The following CNTN3 variants were observed in gnomAD, a reference collection of about 807,000 sequenced individuals.
The protein encoded by CNTN3 is contactin-3.
A neutral mutation model predicts 119.1 loss-of-function variants in CNTN3; 60 were observed. The observed-to-expected ratio is 0.50, with a 90% CI of 0.41 to 0.62. The LOEUF (loss-of-function observed/expected upper bound fraction) is 0.62, where lower values mean the gene tolerates loss of function less well. Among genes scored for constraint, CNTN3 ranks in the 20% least tolerant of loss-of-function variants. The pLI, the probability that CNTN3 is intolerant of heterozygous loss-of-function variation, is 0.00. For missense variants in CNTN3, 1,101 were observed against 1,242.4 expected, an observed-to-expected ratio of 0.89 and a Z score of 1.71; for synonymous variants, 450 against 438.7, an observed-to-expected ratio of 1.03 and a Z score of -0.32.
chr3:74,583,800 C>T (rs1023680109), intron 1 of CNTN3, among the ~76,000 whole-genome samples: 4 of 152,268 alleles, frequency 2.6e-5, no homozygotes, highest in African/African-American at 9.6e-5. Flanking sequence ...ATTGCTGTGG[C>T]TATTTTTCCT....
chr3:74,413,041 A>G (rs771425399), intron 5 of CNTN3, among the ~76,000 whole-genome samples: 1 of 152,196 alleles, frequency 6.6e-6, no homozygotes, highest in Non-Finnish European at 1.5e-5. Context: ...CTGTGGCAGG[A>G]AAGTTCTGGC....
Position 74,302,727 on chromosome 3 carries a change from C to T in CNTN3, c.1749G>A (p.Val583=), listed in dbSNP as rs750135504. The T allele has an allele frequency of 6.8e-6, 11 of 1,612,858 alleles. No homozygotes were observed. The South Asian group carries it at 9.9e-5, about 15-fold the overall frequency. ...GKYVCMVQTG[V]DSVSSAADLI... is the part of the protein sequence containing the mutation. ...GGTCAGCAGCAGATGAAACACTGTC[C>T]ACCCCCGTTTGCACCATACAAACAT... Residue 583 remains valine (V), a synonymous_variant, in exon 14 of 23, where the codon GTG becomes GTA. Transcript: ENST00000263665.
chr3:74,586,520 C>A (rs982655892), intron 1 of CNTN3, among the ~76,000 whole-genome samples: 3 of 152,064 alleles, frequency 2.0e-5, no homozygotes, highest in African/African-American at 7.2e-5. Context: ...ATTTATAGAG[C>A]ACAAATTTGG....
chr3:74,269,048 G>GAAAAAAAA (rs5850167), intron 20 of CNTN3, among the ~76,000 whole-genome samples: 8 of 117,086 alleles, frequency 6.8e-5, no homozygotes, highest in Non-Finnish European at 1.0e-4. Context: ...ATGACAAAAA[G>GAAAAAAAA]AAAAAAAAAA....
intron 4 of CNTN3, among the ~76,000 whole-genome samples, chr3:74,479,848 T>C (rs1387317674): frequency 6.6e-6 from 1 of 152,058 alleles, no homozygotes; most frequent in Admixed American, 6.6e-5. Context: ...ACTAACAGAA[T>C]ATCTGATTAC....
At chr3:74,267,441 G>A in intron 20 of CNTN3, 63 bp from the exon 21 acceptor site, 2 of 1,148,602 alleles carry the variant, frequency 1.7e-6, no homozygotes, top group Non-Finnish European at 2.6e-6. Context: ...TTACACGGAG[G>A]AGATGGCGGC....
intron 10 of CNTN3, among the ~76,000 whole-genome samples, chr3:74,364,143 C>T (rs767908905): frequency 1.1e-4 from 16 of 152,040 alleles, no homozygotes; most frequent in South Asian, 4.1e-4. Context: ...GGACCAGCAA[C>T]GGGGAACACC....
intron 4 of CNTN3, among the ~76,000 whole-genome samples, chr3:74,450,558 A>T (rs144659685): frequency 1.3e-5 from 2 of 150,980 alleles, no homozygotes; most frequent in African/African-American, 4.9e-5. Flanking sequence ...CATGTGCACA[A>T]TGTGCAGGTT....
chr3:74,602,821 C>T (rs773305304), intron 1 of CNTN3, among the ~76,000 whole-genome samples: 1 of 152,120 alleles, frequency 6.6e-6, no homozygotes, highest in African/African-American at 2.4e-5. Flanking sequence ...TATGACCAGT[C>T]GTACCAAAGT....
At chr3:74,418,982 C>G (rs13080279) in intron 5 of CNTN3, among the ~76,000 whole-genome samples, 88,787 of 150,158 alleles carry the variant, frequency 0.59, 28,781 homozygotes, top group East Asian at 0.81. Flanking sequence ...ATTTTAGTAG[C>G]GGGGCAGTTT....
At chr3:74,513,497 A>T (rs1703403014) in intron 2 of CNTN3, among the ~76,000 whole-genome samples, 1 of 152,130 alleles carries the variant, frequency 6.6e-6, no homozygotes, top group Non-Finnish European at 1.5e-5. Flanking sequence ...CAGACACTAG[A>T]AAGCTGTCCA....
intron 13 of CNTN3, among the ~76,000 whole-genome samples, chr3:74,312,585 C>T (rs972725736): frequency 5.9e-5 from 9 of 151,596 alleles, no homozygotes; most frequent in Non-Finnish European, 1.0e-4. Flanking sequence ...TCCTGTTCCA[C>T]GTAAGAAGGG....
At chr3:74,571,947 T>C (rs1704341954) in intron 1 of CNTN3, among the ~76,000 whole-genome samples, 1 of 152,192 alleles carries the variant, frequency 6.6e-6, no homozygotes, top group Non-Finnish European at 1.5e-5. Context: ...AATATCTCAT[T>C]GGTGGCTTTG....
intron 8 of CNTN3, among the ~76,000 whole-genome samples, chr3:74,365,994 T>C (rs1265447675): frequency 6.6e-6 from 1 of 152,166 alleles, no homozygotes; most frequent in Non-Finnish European, 1.5e-5. Flanking sequence ...ATTATTTAGA[T>C]ATCTATTAGT....
chr3:74,516,287 G>C (rs958827226), intron 2 of CNTN3, among the ~76,000 whole-genome samples: 1 of 143,934 alleles, frequency 6.9e-6, no homozygotes, highest in Non-Finnish European at 1.5e-5. Flanking sequence ...GTCCACATTT[G>C]CATGGATTTT....
chr3:74,320,342 A>G (rs555561876), intron 13 of CNTN3, among the ~76,000 whole-genome samples: 1 of 152,392 alleles, frequency 6.6e-6, no homozygotes, highest in African/African-American at 2.4e-5. Flanking sequence ...GCAGCCATAA[A>G]AAATGAAGAA....
chr3:74,264,297 TA>T lies in CNTN3; in HGVS notation c.*103del, dbSNP rs1701627209. The T allele has an allele frequency of 4.2e-6, 2 of 476,226 alleles. No homozygotes were observed. The highest frequency in any genetic ancestry group is 4.5e-4 in the Middle Eastern group (1 of 2,244). 29.5% of individuals were successfully genotyped at this position (476,226 alleles called of 1,614,324 possible). ...ATTTACCTATAATGAAGTAGAAAGT[TA>T]AAAATAAGAGTTGAAAAAAACATGC... On this transcript the variant is annotated 3_prime_UTR_variant, in exon 23 of 23. Transcript: ENST00000263665.
At chr3:74,489,251 G>T (rs1702917357) in intron 3 of CNTN3, among the ~76,000 whole-genome samples, 1 of 152,030 alleles carries the variant, frequency 6.6e-6, no homozygotes, top group Non-Finnish European at 1.5e-5. Context: ...TGACTAATAT[G>T]CATATTCAAG....
At chr3:74,415,456 G>A (rs1701505059) in intron 5 of CNTN3, among the ~76,000 whole-genome samples, 1 of 151,896 alleles carries the variant, frequency 6.6e-6, no homozygotes, top group African/African-American at 2.4e-5. Flanking sequence ...ACAGCCCCAG[G>A]GACAGCTGTC....
Sources: allele counts gnomAD v4.1 joint callset (sites outside exome capture counted in the v4.1 genomes callset), GRCh38; gene constraint gnomAD v4.1.1; transcripts MANE v1.5; gene names NCBI Gene and HGNC (gene_info 2026-07-23, HGNC 2026-07-21).